Variants in STAB2 observed in about 807,000 individuals in gnomAD.
STAB2 encodes stabilin-2.
A neutral mutation model predicts 338.1 loss-of-function variants in STAB2; 288 were observed. That is an observed-to-expected ratio of 0.85 (90% CI 0.77 to 0.94). The LOEUF (loss-of-function observed/expected upper bound fraction) is 0.94. Among genes scored for constraint, STAB2 ranks in the 40% least tolerant of loss-of-function variants. STAB2 has a pLI of 0.00. For missense variants in STAB2, 3,141 were observed against 3,210.1 expected (o/e 0.98, Z 0.52); for synonymous variants, 1,202 against 1,193.3 (o/e 1.01, Z -0.15).
At chr12:103,757,973 C>T (rs930295532) in intron 63 of STAB2, 197 bp from the exon 64 acceptor site, 4 of 729,326 alleles carry the variant, frequency 5.5e-6, no homozygotes, top group African/African-American at 5.3e-5. Flanking sequence ...TGTCTTAAAC[C>T]ATAGGATTCA....
intron 11 of STAB2, 117 bp from the exon 12 acceptor site, chr12:103,652,439 C>T: frequency 2.1e-6 from 2 of 957,400 alleles, no homozygotes; most frequent in Non-Finnish European, 3.0e-6. Context: ...TGCAAAAGCC[C>T]AAACCCAAGT....
rs757602435 is a variant in STAB2, at chr12:103,755,732, C to A, written c.6987+14C>A. ...AACTTCCTGACGGTATGTACCATGT[C>A]TGCTTGGTTTGCCTCAGGCAGGGAG... On this transcript the variant is annotated intron_variant, in intron 63 of 68. Transcript: ENST00000388887. The A allele has an allele frequency of 6.2e-7, 1 of 1,613,532 alleles. No homozygotes were observed. The highest frequency in any genetic ancestry group is 1.1e-5 in the South Asian group (1 of 91,046).
chr12:103,727,740 G>A (rs1190682990), intron 47 of STAB2, among the ~76,000 whole-genome samples: 3 of 152,070 alleles, frequency 2.0e-5, no homozygotes, highest in East Asian at 1.9e-4. Context: ...TAATATTCAC[G>A]GGGGCTCTTC....
chr12:103,742,621 G>A, intron 56 of STAB2, 67 bp downstream of exon 56: 1 of 1,601,972 alleles, frequency 6.2e-7, no homozygotes, highest in African/African-American at 1.3e-5. Context: ...CCTTGTTCAT[G>A]CCATCTGCCT....
rs1879007082 is a variant in STAB2, at chr12:103,702,690, C to G, written c.3715-458C>G. ...TGAAGCGGAGACATACTGAAAGGAA[C>G]AGTTGCATTCTTCGATTCTTGGTTA... On this transcript the variant is annotated intron_variant, in intron 34 of 68. Coordinates refer to ENST00000388887, the MANE Select transcript of STAB2 (RefSeq NM_017564.10). Among the ~76,000 whole-genome samples the G allele has an allele frequency of 2.6e-5, 4 of 152,216 alleles. No individual in the cohort carries two copies. The South Asian group carries it at 8.3e-4, about 32-fold the overall frequency.
intron 19 of STAB2, among the ~76,000 whole-genome samples, chr12:103,667,398 A>G (rs762774995): frequency 2.6e-5 from 4 of 152,196 alleles, no homozygotes; most frequent in Non-Finnish European, 5.9e-5. Flanking sequence ...TATTATCACC[A>G]TAACCAATGT....
intron 8 of STAB2, among the ~76,000 whole-genome samples, chr12:103,639,039 T>C (rs1396450954): frequency 6.6e-6 from 1 of 152,118 alleles, no homozygotes; most frequent in African/African-American, 2.4e-5. Context: ...TTATGCAACA[T>C]TTTTCTGCTA....
At chr12:103,681,828 G>A (rs1418886919) in intron 25 of STAB2, among the ~76,000 whole-genome samples, 4 of 151,686 alleles carry the variant, frequency 2.6e-5, no homozygotes, top group African/African-American at 9.7e-5. Flanking sequence ...CTCTGCATTG[G>A]CAGGATGGTC....
chr12:103,677,563 A>G lies in STAB2; in HGVS notation c.2757A>G (p.Ala919=), dbSNP rs1372622745. The change falls in exon 25 of 69, where the codon GCA becomes GCG. Residue 919 remains alanine, a synonymous_variant. Coordinates refer to ENST00000388887, the MANE Select transcript of STAB2 (RefSeq NM_017564.10). ...SEINNCLLPS[A]GGCHDNASCL... ...TCAACAACTGCCTGCTGCCCAGTGC[A>G]GGCGGCTGCCACGACAACGCATCCT... 1.9e-6 allele frequency: 3 copies of G among 1,613,988 alleles called. No individual in the cohort carries two copies. Among genetic ancestry groups the G allele is most frequent in the African/African-American group, 2.7e-5 (2 of 74,944 alleles).
In STAB2 at chr12:103,755,416, C is replaced by G. The variant is rs758595818; in HGVS notation, c.6829C>G (p.Pro2277Ala). The change falls in exon 62 of 69, where the codon CCT becomes GCT. Residue 2277 changes from proline (P) to alanine (A), a missense_variant. Physicochemically the swap from Pro to Ala is conservative, Grantham distance 27. Coordinates refer to ENST00000388887, the MANE Select transcript of STAB2 (RefSeq NM_017564.10). ...TGTGGTTGGGATAGTGGACTATGGA[C>G]CTAGACCCAACAAGAGTGAAATGTG... ...SGVVGIVDYG[P>A]RPNKSEMWDV... 1 of 1,614,144 alleles carries G rather than the reference C, an allele frequency of 6.2e-7. No homozygotes were observed. The highest frequency in any genetic ancestry group is 2.2e-5 in the East Asian group (1 of 44,878).
intron 3 of STAB2, among the ~76,000 whole-genome samples, chr12:103,608,730 C>T (rs2138588615): frequency 6.6e-6 from 1 of 152,262 alleles, no homozygotes; most frequent in Middle Eastern, 3.4e-3. Flanking sequence ...GTTGCCATTG[C>T]TTTTGGTGTT....
intron 9 of STAB2, among the ~76,000 whole-genome samples, chr12:103,643,690 T>TA (rs555388650): frequency 6.6e-6 from 1 of 152,026 alleles, no homozygotes; most frequent in South Asian, 2.1e-4. Flanking sequence ...TTTCCTTATC[T>TA]AAAATGGGGC....
intron 65 of STAB2, 116 bp from the exon 66 acceptor site, chr12:103,761,184 T>A (rs755794356): frequency 6.8e-6 from 6 of 881,604 alleles, no homozygotes; most frequent in Non-Finnish European, 1.1e-5. Flanking sequence ...TGCCTATCAG[T>A]GGAGACAAAC....
chr12:103,685,453 T>TGTGTGC (rs1310184381), intron 27 of STAB2, among the ~76,000 whole-genome samples: 28 of 113,716 alleles, frequency 2.5e-4, no homozygotes, highest in African/African-American at 7.0e-4. Flanking sequence ...TGTGTGTGTG[T>TGTGTGC]GCGCGTGCGT....
chr12:103,751,707 A>G (rs2139186801), intron 60 of STAB2, among the ~76,000 whole-genome samples: 1 of 152,360 alleles, frequency 6.6e-6, no homozygotes, highest in South Asian at 2.1e-4. Flanking sequence ...TTTAGGACAC[A>G]GTTCATTCAG....
At chr12:103,692,538 G>T (rs541190533) in intron 30 of STAB2, among the ~76,000 whole-genome samples, 1 of 152,308 alleles carries the variant, frequency 6.6e-6, no homozygotes, top group East Asian at 1.9e-4. Context: ...CCACATAGGG[G>T]AAAGTATTAT....
chr12:103,631,865 G>A (rs1243077331), intron 6 of STAB2, among the ~76,000 whole-genome samples, 172 bp downstream of exon 6: 2 of 152,164 alleles, frequency 1.3e-5, no homozygotes, highest in Non-Finnish European at 2.9e-5. Context: ...GAAAGAAGAG[G>A]AGGGAAAGGG....
In STAB2 at chr12:103,758,253, CTT is replaced by C; in HGVS notation, c.7073_7074del (p.Phe2358CysfsTer11). 6.2e-7 allele frequency: 1 copy of C among 1,614,114 alleles called. No homozygotes were observed. The highest frequency in any genetic ancestry group is 8.5e-7 in the Non-Finnish European group (1 of 1,180,046). On this transcript the variant is annotated frameshift_variant, in exon 64 of 69. Coordinates refer to ENST00000388887, the MANE Select transcript of STAB2 (RefSeq NM_017564.10). LOFTEE classifies it high-confidence loss of function. ...LTDLSIRGTL[F>X]VPQNSGLGEN... ...CTGACCTGTCCATCCGCGGCACCCT[CTT>C]TGTGCCACAGAACAGTGGGCTGGGG...
At chr12:103,652,974 A>T (rs1873858336) in intron 12 of STAB2, among the ~76,000 whole-genome samples, 1 of 152,174 alleles carries the variant, frequency 6.6e-6, no homozygotes, top group South Asian at 2.1e-4. Context: ...CTGTCATTCA[A>T]CTGCCAGCAG....
Sources: allele counts gnomAD v4.1 joint callset (sites outside exome capture counted in the v4.1 genomes callset), GRCh38; gene constraint gnomAD v4.1.1; transcripts MANE v1.5; gene names NCBI Gene and HGNC (gene_info 2026-07-23, HGNC 2026-07-21).